The following USH2A variants were observed in gnomAD, a reference collection of about 807,000 sequenced individuals.
USH2A encodes usherin.
Under a neutral mutation model 538.9 loss-of-function variants are expected in USH2A, and 443 were observed. The observed-to-expected ratio is 0.82, with a 90% CI of 0.76 to 0.89. The LOEUF is 0.89. USH2A is among the 40% of genes least tolerant of loss of function. The pLI, the probability that USH2A is intolerant of heterozygous loss-of-function variation, is 0.00. For missense variants in USH2A, 6,633 were observed against 6,324.8 expected, an observed-to-expected ratio of 1.05 and a Z score of -1.65; for synonymous variants, 2,413 against 2,273.5, an observed-to-expected ratio of 1.06 and a Z score of -1.75.
chr1:215,659,359 G>A (rs192874943), intron 64 of USH2A, among the ~76,000 whole-genome samples: 4 of 152,278 alleles, frequency 2.6e-5, no homozygotes, highest in East Asian at 1.9e-4. Flanking sequence ...ACCTTAGTGA[G>A]TAAGGGCCGG....
chr1:216,235,867 T>C (rs1298109497), intron 13 of USH2A, among the ~76,000 whole-genome samples: 3 of 152,146 alleles, frequency 2.0e-5, no homozygotes, highest in East Asian at 1.9e-4. Context: ...GACATAATAG[T>C]TACACAAGAG....
At chr1:215,900,693 C>G in intron 39 of USH2A, 62 bp downstream of exon 39, 1 of 1,610,522 alleles carries the variant, frequency 6.2e-7, no homozygotes, top group Non-Finnish European at 8.5e-7. Context: ...ACCTACTCTT[C>G]AAAAATGTTA....
At position 216,245,007 on chromosome 1, in the gene USH2A, GA is replaced by G. The variant is rs547128560; in HGVS notation, c.2809+1577del. On this transcript the variant is annotated intron_variant, in intron 13 of 71. Coordinates refer to ENST00000307340, the MANE Select transcript of USH2A (RefSeq NM_206933.4). ...ATCATGGTTATTTGACTGTGTAGGA[GA>G]CAAAGGACTTTGTTGCCAAAATTAG... Among the ~76,000 whole-genome samples, 43 of 152,224 alleles carry G rather than the reference GA, an allele frequency of 2.8e-4. 1 individual carries two copies. The South Asian group carries it at 8.5e-3, about 30-fold the overall frequency.
chr1:216,082,642 G>T (rs1285459442), intron 26 of USH2A, among the ~76,000 whole-genome samples: 1 of 151,970 alleles, frequency 6.6e-6, no homozygotes, highest in Non-Finnish European at 1.5e-5. Flanking sequence ...TTTAACAGTG[G>T]TATCAAACTA....
Position 216,232,029 on chromosome 1 carries a change from G to A in USH2A, c.2917C>T (p.Gln973Ter), listed in dbSNP as rs747868580. 1 of 1,614,026 alleles carries A rather than the reference G, an allele frequency of 6.2e-7. No individual in the cohort carries two copies. The highest frequency in any genetic ancestry group is 1.1e-5 in the South Asian group (1 of 91,084). Residue 973 changes from glutamine to a stop codon, truncating the protein, a stop_gained, in exon 14 of 72, where the codon CAA becomes TAA. Coordinates refer to ENST00000307340, the MANE Select transcript of USH2A (RefSeq NM_206933.4). LOFTEE classifies it high-confidence loss of function. Reference protein sequence around the residue: ...CNSLTGQCVCQDASIAGQRCD... With the variant: ...CNSLTGQCVC ...CGTTGCCCAGCAATGGAAGCATCTT[G>A]GCAAACACACTGACCAGTCAGGCTA...
chr1:216,237,083 G>T (rs1351729559), intron 13 of USH2A, among the ~76,000 whole-genome samples: 1 of 152,080 alleles, frequency 6.6e-6, no homozygotes. Context: ...TTTATCAAAT[G>T]CATGCTCTAA....
In USH2A at chr1:216,415,508, C is replaced by CTTTTTTTTT. The variant is rs71161423; in HGVS notation, c.651+2997_651+3005dup. ...TCCTAATCTCCTGTCCTTCCTGTCA[C>CTTTTTTTTT]TTTTTTTTTTTTTTTTTTTTTTTTT... is the stretch of plus-strand genomic sequence containing the variant. On this transcript the variant is annotated intron_variant, in intron 3 of 71. Coordinates refer to ENST00000307340, the MANE Select transcript of USH2A (RefSeq NM_206933.4). Among the ~76,000 whole-genome samples, 57 of 96,872 alleles carry CTTTTTTTTT rather than the reference C, an allele frequency of 5.9e-4. 1 individual carries two copies. Among genetic ancestry groups the CTTTTTTTTT allele is most frequent in the African/African-American group, 2.2e-3 (56 of 25,828 alleles). 63.6% of individuals were successfully genotyped at this position (96,872 alleles called of 152,430 possible). A position where few individuals can be genotyped will look rare whatever the true frequency, so the allele number is the denominator to read the frequency against.
chr1:216,259,762 T>A (rs2102564211), intron 11 of USH2A, among the ~76,000 whole-genome samples: 1 of 152,236 alleles, frequency 6.6e-6, no homozygotes, highest in South Asian at 2.1e-4. Flanking sequence ...ATAAAATTTT[T>A]GGTAAAATTT....
rs1348637428 is a variant in USH2A, at chr1:216,323,535, C to T, written c.1489G>A (p.Glu497Lys). 6.2e-7 allele frequency: 1 copy of T among 1,613,456 alleles called. No individual in the cohort carries two copies. Among genetic ancestry groups the T allele is most frequent in the Non-Finnish European group, 8.5e-7 (1 of 1,179,732 alleles). ...FHFHGQYYTT[E>K]TAVNLRHRYY... Reference sequence around the variant, plus strand: ...CTGTGTCTGAGGTTAACAGCAGTCTCAGTTGTATAGTACTGCCCATGAAAA... The same window carrying T: ...CTGTGTCTGAGGTTAACAGCAGTCTTAGTTGTATAGTACTGCCCATGAAAA... The change falls in exon 8 of 72, where the codon GAG becomes AAG. Residue 497 changes from glutamate (E) to lysine (K), a missense_variant. Transcript: ENST00000307340.
intron 33 of USH2A, 116 bp downstream of exon 33, chr1:216,000,287 C>T (rs564274955): frequency 3.6e-6 from 5 of 1,404,014 alleles, no homozygotes; most frequent in Non-Finnish European, 5.0e-6. Context: ...GAACTAATCA[C>T]TTCTATGCAT....
intron 62 of USH2A, 87 bp from the exon 63 acceptor site, chr1:215,675,703 T>G: frequency 6.2e-7 from 1 of 1,601,950 alleles, no homozygotes; most frequent in Non-Finnish European, 8.5e-7. Flanking sequence ...CTTCACCCCC[T>G]TGTTCCTTAT....
chr1:215,844,656 T>A (rs1175989827), intron 45 of USH2A, among the ~76,000 whole-genome samples, 160 bp from the exon 46 acceptor site: 1 of 152,216 alleles, frequency 6.6e-6, no homozygotes. Flanking sequence ...TAAATTGGCT[T>A]ATTATACTCT....
At position 216,129,767 on chromosome 1, in the gene USH2A, A is replaced by T. The variant is rs946635515; in HGVS notation, c.4628-32554T>A. ...CAGTCCAAGACATCCTGAGCAAAAA[A>T]TAACAAAGCTGGAAGCATCACATTA... is the stretch of plus-strand genomic sequence containing the variant. On this transcript the variant is annotated intron_variant, in intron 21 of 71. Transcript: ENST00000307340. Among the ~76,000 whole-genome samples the T allele has an allele frequency of 4.6e-5, 7 of 152,252 alleles. No individual in the cohort carries two copies. The South Asian group carries it at 1.4e-3, about 32-fold the overall frequency.
At chr1:216,322,687 AT>A (rs1018672829) in intron 8 of USH2A, among the ~76,000 whole-genome samples, 21 of 150,296 alleles carry the variant, frequency 1.4e-4, no homozygotes, top group East Asian at 7.8e-4. Context: ...CAATTTTTTT[AT>A]TTTTTTTTCC....
At chr1:216,152,445 G>A (rs898216757) in intron 21 of USH2A, among the ~76,000 whole-genome samples, 61 of 144,264 alleles carry the variant, frequency 4.2e-4, no homozygotes, top group African/African-American at 1.4e-3. Context: ...CCCCCACTGA[G>A]CACCTTGCGA....
At chr1:216,364,611 G>C (rs1022121016) in intron 4 of USH2A, among the ~76,000 whole-genome samples, 2 of 152,118 alleles carry the variant, frequency 1.3e-5, no homozygotes, top group African/African-American at 2.4e-5. Flanking sequence ...CAGAGGAGAA[G>C]GCCACATGAA....
At chr1:215,644,855 A>C (rs1021328966) in intron 67 of USH2A, among the ~76,000 whole-genome samples, 3 of 152,216 alleles carry the variant, frequency 2.0e-5, no homozygotes, top group African/African-American at 7.2e-5. Context: ...AGTAGAGTCC[A>C]CATCACTGCA....
At chr1:216,048,859 C>T (rs975941912) in intron 30 of USH2A, among the ~76,000 whole-genome samples, 1 of 152,112 alleles carries the variant, frequency 6.6e-6, no homozygotes, top group African/African-American at 2.4e-5. Context: ...ATTGTGAGAC[C>T]AACTTATTGT....
At chr1:216,215,387 A>G (rs1006285714) in intron 15 of USH2A, among the ~76,000 whole-genome samples, 2 of 152,096 alleles carry the variant, frequency 1.3e-5, no homozygotes, top group African/African-American at 4.8e-5. Context: ...CAATTTCATC[A>G]TATCTTTGTG....
Sources: gnomAD v4.1 joint callset for allele counts (sites outside exome capture counted in the v4.1 genomes callset) on GRCh38, gnomAD v4.1.1 for gene constraint, MANE v1.5 for transcripts, NCBI Gene and HGNC (gene_info 2026-07-23, HGNC 2026-07-21) for gene names.